TEKT1: variants seen among roughly 807,000 people sequenced by gnomAD.
TEKT1 encodes the protein tektin 1, also known as tektin-1.
In TEKT1, 32 loss-of-function variants were observed where a neutral mutation model predicts 34.8. That is an observed-to-expected ratio of 0.92 (90% CI 0.69 to 1.23). TEKT1 has a LOEUF of 1.23. TEKT1 is among the 50% of genes most tolerant of loss of function. The pLI is 0.00. For missense variants in TEKT1, 492 were observed against 518.5 expected (o/e 0.95, Z 0.50); for synonymous variants, 207 against 199.8 (o/e 1.04, Z -0.30).
rs34316443 is a variant in TEKT1, at chr17:6,813,551, GACACACACACACACACAC to G, written c.630-516_630-499del. Among the ~76,000 whole-genome samples the G allele has an allele frequency of 2.4e-3, 321 of 135,192 alleles. 4 individuals carry two copies. The highest frequency in any genetic ancestry group is 8.4e-3 in the African/African-American group (296 of 35,180). 88.7% of individuals were successfully genotyped at this position (135,192 alleles called of 152,430 possible). ...AAATAATGTTAATTGGAAGAAACCA[GACACACACACACACACAC>G]ACACACACACACACACACACACATA... On this transcript the variant is annotated intron_variant, in intron 5 of 7. Transcript: ENST00000338694.
chr17:6,814,171 G>A (rs1271198219), intron 5 of TEKT1, among the ~76,000 whole-genome samples: 2 of 152,054 alleles, frequency 1.3e-5, no homozygotes, highest in African/African-American at 2.4e-5. Flanking sequence ...ATCAAGCCTG[G>A]GGCACCCAGT....
intron 4 of TEKT1, among the ~76,000 whole-genome samples, chr17:6,815,559 G>A (rs55944060): frequency 0.081 from 12,365 of 152,180 alleles, 633 homozygotes; most frequent in Middle Eastern, 0.19. Flanking sequence ...AGCCTACTAT[G>A]TGTGAGGGGT....
In TEKT1 at chr17:6,799,991, A is replaced by G; in HGVS notation, c.*36T>C. 6.3e-7 allele frequency: 1 copy of G among 1,577,788 alleles called. No individual in the cohort carries two copies. Among genetic ancestry groups the G allele is most frequent in the Non-Finnish European group, 8.6e-7 (1 of 1,166,968 alleles). On this transcript the variant is annotated 3_prime_UTR_variant, in exon 8 of 8. Coordinates refer to ENST00000338694, the MANE Select transcript of TEKT1 (RefSeq NM_053285.2). Reference sequence around the variant, plus strand: ...CTGTACTACTGTAACTACTGTTTACAATGTGGTTTAATGAGAATTGGAACT... The same window carrying G: ...CTGTACTACTGTAACTACTGTTTACGATGTGGTTTAATGAGAATTGGAACT...
intron 6 of TEKT1, among the ~76,000 whole-genome samples, chr17:6,801,690 A>G (rs970585941): frequency 6.6e-6 from 1 of 152,206 alleles, no homozygotes; most frequent in African/African-American, 2.4e-5. Context: ...CTTGGGGGAC[A>G]GAGTGAGACT....
intron 6 of TEKT1, among the ~76,000 whole-genome samples, chr17:6,803,764 G>A (rs558919627): frequency 7.9e-4 from 120 of 152,136 alleles, no homozygotes; most frequent in African/African-American, 2.7e-3. Context: ...AAGATCAGAT[G>A]GTTGTAGATA....
Position 6,800,812 on chromosome 17 carries a change from C to G in TEKT1, c.984G>C (p.Leu328=), listed in dbSNP as rs1976760348. ...GCCTATATTGTGCGACATCACGACA[C>G]AGCTCCACGTTCGGCCGGTGTGTCC... The part of the protein sequence containing the change: ...ETRTHRPNVE[L]CRDVAQYRLM... The change falls in exon 7 of 8, where the codon CTG becomes CTC. Residue 328 remains leucine (L), a synonymous_variant. Coordinates refer to ENST00000338694, the MANE Select transcript of TEKT1 (RefSeq NM_053285.2). 4.3e-6 allele frequency: 7 copies of G among 1,614,178 alleles called. No individual in the cohort carries two copies. The highest frequency in any genetic ancestry group is 4.2e-6 in the Non-Finnish European group (5 of 1,180,034).
chr17:6,818,097 C>T (rs1409575220), intron 3 of TEKT1, among the ~76,000 whole-genome samples: 1 of 152,164 alleles, frequency 6.6e-6, no homozygotes. Context: ...GCTCCACACA[C>T]CTAAGCACAT....
Position 6,800,760 on chromosome 17 carries a change from G to A in TEKT1, c.1036C>T (p.His346Tyr). The change falls in exon 7 of 8, where the codon CAC becomes TAC. Residue 346 changes from histidine to tyrosine, a missense_variant. Coordinates refer to ENST00000338694, the MANE Select transcript of TEKT1 (RefSeq NM_053285.2). ...CTGCTAGCCTACCTTGCGACATTGT[G>A]GGTGATCTCTTGAACCTCCTTCATT... ...RLMKEVQEIT[H>Y]NVARLKETLA... is the part of the protein sequence containing the mutation. 1.2e-6 allele frequency: 2 copies of A among 1,612,582 alleles called. No homozygotes were observed. The highest frequency in any genetic ancestry group is 1.7e-6 in the Non-Finnish European group (2 of 1,179,206).
At chr17:6,823,450 G>A (rs778607001) in intron 2 of TEKT1, among the ~76,000 whole-genome samples, 2 of 152,118 alleles carry the variant, frequency 1.3e-5, no homozygotes, top group Non-Finnish European at 2.9e-5. Flanking sequence ...GTGTGCACAC[G>A]CATGTGCTTG....
chr17:6,814,877 C>T, intron 5 of TEKT1: 1 of 285,736 alleles, frequency 3.5e-6, no homozygotes, highest in Non-Finnish European at 6.5e-6. Flanking sequence ...GCTCTTCCTA[C>T]ATTTTTAGAT....
At position 6,799,926 on chromosome 17, in the gene TEKT1, G is replaced by T; in HGVS notation, c.*101C>A. The T allele has an allele frequency of 8.4e-7, 1 of 1,190,008 alleles. No individual in the cohort carries two copies. The highest frequency in any genetic ancestry group is 1.5e-5 in the African/African-American group (1 of 65,386). 73.7% of individuals were successfully genotyped at this position (1,190,008 alleles called of 1,614,324 possible). A position where few individuals can be genotyped will look rare whatever the true frequency, so the allele number is the denominator to read the frequency against. On this transcript the variant is annotated 3_prime_UTR_variant, in exon 8 of 8. Transcript: ENST00000338694. Reference sequence around the variant, plus strand: ...TTGGAATGCCAGCCAAGAGGTTGCAGCAGGCTGGCTAGAGGCCCCGCCAGC... The same window carrying T: ...TTGGAATGCCAGCCAAGAGGTTGCATCAGGCTGGCTAGAGGCCCCGCCAGC...
chr17:6,801,751 TTGG>T (rs1976776980), intron 6 of TEKT1, among the ~76,000 whole-genome samples: 1 of 152,198 alleles, frequency 6.6e-6, no homozygotes, highest in South Asian at 2.1e-4. Context: ...TTTAAGTTAC[TTGG>T]TTTTAACAAA....
Position 6,815,837 on chromosome 17 carries a change from A to G in TEKT1, c.482T>C (p.Ile161Thr). 1.2e-6 allele frequency: 2 copies of G among 1,614,160 alleles called. No homozygotes were observed. The highest frequency in any genetic ancestry group is 1.7e-6 in the Non-Finnish European group (2 of 1,180,026). ...AGGGCAGGCCGAAGAGTCATACCGA[A>G]TCTGCTCGGAAGCCTCCTCCAAGGT... is the stretch of plus-strand genomic sequence containing the variant. ...TRTLEEASEQ[I>T]RMNRSAKYNL... The change falls in exon 4 of 8, where the codon ATT becomes ACT. Residue 161 changes from isoleucine (I) to threonine (T), a missense_variant. By Grantham distance (89) the Ile-to-Thr change is moderately conservative (BLOSUM62 -1). Coordinates refer to ENST00000338694, the MANE Select transcript of TEKT1 (RefSeq NM_053285.2).
At position 6,826,329 on chromosome 17, in the gene TEKT1, A is replaced by G. The variant is rs575468825; in HGVS notation, c.190+3858T>C. On this transcript the variant is annotated intron_variant, in intron 2 of 7. Coordinates refer to ENST00000338694, the MANE Select transcript of TEKT1 (RefSeq NM_053285.2). ...TTTTTCTTTTGTATTCTTAAAAGTT[A>G]TTTATATATTTTGGATATGGATTTG... Among the ~76,000 whole-genome samples the G allele has an allele frequency of 5.1e-4, 77 of 152,212 alleles. 1 individual carries two copies. Among genetic ancestry groups the G allele is most frequent in the Non-Finnish European group, 9.4e-4 (64 of 68,006 alleles).
intron 6 of TEKT1, among the ~76,000 whole-genome samples, chr17:6,807,114 G>A (rs1402788277): frequency 6.6e-6 from 1 of 152,196 alleles, no homozygotes; most frequent in Non-Finnish European, 1.5e-5. Context: ...CCAATCAGAT[G>A]TAGATTTGGT....
chr17:6,802,487 AT>A (rs1045270044), intron 6 of TEKT1, among the ~76,000 whole-genome samples: 22 of 147,922 alleles, frequency 1.5e-4, no homozygotes, highest in African/African-American at 5.0e-4. Flanking sequence ...TTATTTTTTT[AT>A]TTTTTTATTA....
intron 6 of TEKT1, among the ~76,000 whole-genome samples, chr17:6,812,225 C>G (rs1976937855): frequency 6.6e-6 from 1 of 152,132 alleles, no homozygotes; most frequent in Non-Finnish European, 1.5e-5. Context: ...TTCCTGAGGC[C>G]TCCCCAGCCA....
At chr17:6,817,141 T>C (rs1174518734) in intron 3 of TEKT1, among the ~76,000 whole-genome samples, 1 of 152,290 alleles carries the variant, frequency 6.6e-6, no homozygotes, top group East Asian at 1.9e-4. Flanking sequence ...TTTGGGAGGC[T>C]GAGGCAGGTG....
chr17:6,805,191 G>A (rs1976827011), intron 6 of TEKT1, among the ~76,000 whole-genome samples: 1 of 152,120 alleles, frequency 6.6e-6, no homozygotes, highest in Non-Finnish European at 1.5e-5. Context: ...GTTTAGTCTT[G>A]GGAGGGTTTA....
Sources: allele counts gnomAD v4.1 joint callset (sites outside exome capture counted in the v4.1 genomes callset), GRCh38; gene constraint gnomAD v4.1.1; transcripts MANE v1.5; gene names NCBI Gene and HGNC (gene_info 2026-07-23, HGNC 2026-07-21).